Variants in CEP83 observed in about 807,000 individuals in gnomAD.
CEP83 encodes the protein centrosomal protein 83.
A neutral mutation model predicts 101.9 loss-of-function variants in CEP83; 70 were observed. The observed-to-expected ratio is 0.69, with a 90% CI of 0.57 to 0.84. The LOEUF is 0.84. CEP83 is among the 40% of genes least tolerant of loss of function. The probability of loss-of-function intolerance (pLI) is 0.00; values close to 1 mark genes in which losing one functional copy is unlikely to be tolerated. For missense variants in CEP83, 715 were observed against 787.2 expected, an observed-to-expected ratio of 0.91 and a Z score of 1.10; for synonymous variants, 264 against 267.9, an observed-to-expected ratio of 0.99 and a Z score of 0.14.
At chr12:94,349,378 G>A (rs1311033141) in intron 11 of CEP83, among the ~76,000 whole-genome samples, 3 of 151,728 alleles carry the variant, frequency 2.0e-5, no homozygotes, top group African/African-American at 7.3e-5. Context: ...TGGCAAAAAT[G>A]TGTTGACTGT....
intron 1 of CEP83, 120 bp downstream of exon 1, chr12:94,459,437 C>T (rs1251071883): frequency 4.6e-5 from 7 of 152,196 alleles, no homozygotes; most frequent in Non-Finnish European, 8.8e-5. Context: ...TTTTCTAGCA[C>T]GAGCTTCCAC....
intron 2 of CEP83, among the ~76,000 whole-genome samples, chr12:94,433,226 C>A (rs1380368102): frequency 3.9e-5 from 6 of 152,012 alleles, no homozygotes; most frequent in Admixed American, 3.9e-4. Context: ...ACGGGGTAGA[C>A]TCACATTTAC....
chr12:94,398,954 T>G (rs993581948), intron 6 of CEP83, among the ~76,000 whole-genome samples: 3 of 152,118 alleles, frequency 2.0e-5, no homozygotes, highest in African/African-American at 7.2e-5. Flanking sequence ...CCTGGTAAAT[T>G]TGGGGTCAGA....
chr12:94,350,672 G>C (rs1268573968), intron 11 of CEP83, among the ~76,000 whole-genome samples: 1 of 151,726 alleles, frequency 6.6e-6, no homozygotes, highest in African/African-American at 2.4e-5. Context: ...TGCAACAAAA[G>C]ATACTTATCA....
chr12:94,279,299 C>T, the CEP83 span, among the ~76,000 whole-genome samples: 6 of 152,244 alleles, frequency 3.9e-5, no homozygotes, highest in Admixed American at 3.3e-4. Flanking sequence ...CTTCCATTAT[C>T]CCTGAAAAGA....
the CEP83 span, among the ~76,000 whole-genome samples, chr12:94,284,623 T>C: frequency 2.0e-5 from 3 of 152,028 alleles, no homozygotes; most frequent in Non-Finnish European, 4.4e-5. Flanking sequence ...TTAACCCCAC[T>C]TTATAGATGG....
At chr12:94,280,016 CATTTG>C in the CEP83 span, 51 of 374,006 alleles carry the variant, frequency 1.4e-4, no homozygotes, top group Non-Finnish European at 2.2e-4. Flanking sequence ...TTCACATTGG[CATTTG>C]ATTTGTTTGT....
At position 94,425,052 on chromosome 12, in the gene CEP83, G is replaced by A. The variant is rs1221481528; in HGVS notation, c.-102+10223C>T. On this transcript the variant is annotated intron_variant, in intron 2 of 16. Coordinates refer to ENST00000397809, the MANE Select transcript of CEP83 (RefSeq NM_016122.3). ...AAGAAAGACGGGGAGGGAGGGAGGA[G>A]GGGATCGAGGGAAAGGGGGAGAGGG... 17 of 721,318 alleles carry A rather than the reference G, an allele frequency of 2.4e-5. 1 individual carries two copies. The highest frequency in any genetic ancestry group is 1.9e-4 in the Admixed American group (7 of 36,076). The allele number at this position is 721,318 out of a possible 1,614,324, so 44.7% of individuals were successfully genotyped here.
chr12:94,406,231 A>G (rs1452299396), intron 4 of CEP83, among the ~76,000 whole-genome samples: 2 of 152,124 alleles, frequency 1.3e-5, no homozygotes, highest in Admixed American at 1.3e-4. Context: ...AAGAACATGT[A>G]TCAGAATATA....
chr12:94,270,723 T>C, the CEP83 span, among the ~76,000 whole-genome samples: 1 of 152,086 alleles, frequency 6.6e-6, no homozygotes, highest in African/African-American at 2.4e-5. Flanking sequence ...ATAGAAAAAT[T>C]GGTGAGAGAA....
chr12:94,320,523 A>G (rs1013265430), intron 14 of CEP83, among the ~76,000 whole-genome samples: 5 of 151,494 alleles, frequency 3.3e-5, no homozygotes, highest in Admixed American at 6.6e-5. Flanking sequence ...CATGGTAACC[A>G]TCTTTCTATA....
In CEP83 at chr12:94,368,007, T is replaced by C. The variant is rs1440452932; in HGVS notation, c.1193+50A>G. The C allele has an allele frequency of 3.1e-6, 5 of 1,601,992 alleles. No homozygotes were observed. In the East Asian group the frequency reaches 8.9e-5, roughly 29 times the overall value. The stretch of plus-strand genomic sequence containing the variant: ...ATAAAGATGATATGACAGCAAAATG[T>C]TTTCATTTGCAAGGATATTTAAGTC... On this transcript the variant is annotated intron_variant, in intron 10 of 16. Coordinates refer to ENST00000397809, the MANE Select transcript of CEP83 (RefSeq NM_016122.3).
In CEP83 at chr12:94,370,064, T is replaced by G. The variant is rs374972004; in HGVS notation, c.934-28A>C. On this transcript the variant is annotated intron_variant, in intron 8 of 16. Transcript: ENST00000397809. ...GTTGATAATTAAAAACTGAAATTAC[T>G]ATTGGTCATTTTCTTGCCATTCAAT... 8.4e-6 allele frequency: 11 copies of G among 1,304,552 alleles called. No homozygotes were observed. In the African/African-American group the frequency reaches 1.3e-4, roughly 16 times the overall value. 80.8% of individuals were successfully genotyped at this position (1,304,552 alleles called of 1,614,324 possible).
intron 11 of CEP83, among the ~76,000 whole-genome samples, chr12:94,366,004 G>C (rs2136991658): frequency 6.6e-6 from 1 of 152,254 alleles, no homozygotes; most frequent in East Asian, 1.9e-4. Context: ...AAAAATGTAG[G>C]AAGTCTAAAC....
At chr12:94,335,500 C>A (rs1460862358) in intron 12 of CEP83, 89 bp downstream of exon 12, 3 of 782,142 alleles carry the variant, frequency 3.8e-6, no homozygotes, top group Non-Finnish European at 6.4e-6. Flanking sequence ...TCTAAAAATA[C>A]TGATGGCAAA....
chr12:94,439,960 C>G (rs922801398), intron 1 of CEP83, among the ~76,000 whole-genome samples: 76 of 152,082 alleles, frequency 5.0e-4, no homozygotes, highest in African/African-American at 1.8e-3. Flanking sequence ...TCAACAGACG[C>G]AGAAAAAGCA....
chr12:94,415,919 T>C (rs1207988715), intron 2 of CEP83, among the ~76,000 whole-genome samples: 4 of 152,130 alleles, frequency 2.6e-5, no homozygotes, highest in Admixed American at 2.6e-4. Context: ...AGTATACACA[T>C]AACATTTATA....
At position 94,354,332 on chromosome 12, in the gene CEP83, C is replaced by A. The variant is rs532723958; in HGVS notation, c.1343+13462G>T. 1.1e-4 allele frequency among the ~76,000 whole-genome samples: 16 copies of A among 152,076 alleles called. No individual in the cohort carries two copies. The East Asian group carries it at 2.9e-3, about 28-fold the overall frequency. ...GAGTAGCGGGGATTACTGTCACGCACCACCAAACCCAATCAATTTTTTTCT... is the reference window on the plus strand; with the variant it reads ...GAGTAGCGGGGATTACTGTCACGCAACACCAAACCCAATCAATTTTTTTCT... On this transcript the variant is annotated intron_variant, in intron 11 of 16. Transcript: ENST00000397809.
chr12:94,424,987 G>A (rs1395448807), intron 2 of CEP83: 9 of 1,336,616 alleles, frequency 6.7e-6, no homozygotes, highest in Non-Finnish European at 5.1e-6. Context: ...TAATGTTAGG[G>A]AACGAGTGAG....
Sources: allele counts gnomAD v4.1 joint callset (sites outside exome capture counted in the v4.1 genomes callset), GRCh38; gene constraint gnomAD v4.1.1; transcripts MANE v1.5; gene names NCBI Gene and HGNC (gene_info 2026-07-23, HGNC 2026-07-21).